The following LONP2 variants were observed in gnomAD, a reference collection of about 807,000 sequenced individuals.
The protein encoded by LONP2 is lon protease homolog 2, peroxisomal.
LONP2 carries 60 observed loss-of-function variants against 85.6 expected under a neutral mutation model. The observed-to-expected ratio is 0.70, with a 90% CI of 0.57 to 0.87. LONP2 has a LOEUF of 0.87. LONP2 is among the 40% of genes least tolerant of loss of function. The probability of loss-of-function intolerance (pLI) is 0.00; values close to 1 mark genes in which losing one functional copy is unlikely to be tolerated. For missense variants in LONP2, 860 were observed against 1,063.5 expected (o/e 0.81, Z 2.66); for synonymous variants, 395 against 389.7 (o/e 1.01, Z -0.16).
At chr16:48,273,516 C>G (rs1435754270) in intron 7 of LONP2, among the ~76,000 whole-genome samples, 1 of 152,138 alleles carries the variant, frequency 6.6e-6, no homozygotes, top group Non-Finnish European at 1.5e-5. Context: ...TACGTATTAA[C>G]TCATTCAGTT....
chr16:48,337,208 A>G (rs1006221817), intron 12 of LONP2, among the ~76,000 whole-genome samples: 1 of 152,208 alleles, frequency 6.6e-6, no homozygotes, highest in Non-Finnish European at 1.5e-5. Flanking sequence ...CTACCTTTCT[A>G]CAGTACCCTG....
chr16:48,277,369 A>G lies in LONP2; in HGVS notation c.1273A>G (p.Ile425Val), dbSNP rs1297435278. ...RTYVGSMPGR[I>V]INGLKTVGVN... ...CTATGTTGGCAGCATGCCTGGTCGC[A>G]TCATCAACGGCTTGAAGACTGTGGG... Residue 425 changes from isoleucine to valine, a missense_variant, in exon 8 of 15, where the codon ATC (isoleucine) becomes GTC (valine). Coordinates refer to ENST00000285737, the MANE Select transcript of LONP2 (RefSeq NM_031490.5). 3.1e-6 allele frequency: 5 copies of G among 1,613,584 alleles called. No homozygotes were observed. In the South Asian group the frequency reaches 5.5e-5, roughly 18 times the overall value.
At chr16:48,322,117 A>G (rs993288225) in intron 11 of LONP2, among the ~76,000 whole-genome samples, 5 of 151,904 alleles carry the variant, frequency 3.3e-5, no homozygotes, top group African/African-American at 9.7e-5. Flanking sequence ...TTATAATAAC[A>G]CTCAGCTTAA....
rs373229461 is a variant in LONP2, at chr16:48,333,785, TATAAC to T, written c.1796-429_1796-425del. Among the ~76,000 whole-genome samples, 210 of 152,098 alleles carry T rather than the reference TATAAC, an allele frequency of 1.4e-3. 1 individual carries two copies. The highest frequency in any genetic ancestry group is 4.9e-3 in the African/African-American group (203 of 41,552). On this transcript the variant is annotated intron_variant, in intron 11 of 14. Coordinates refer to ENST00000285737, the MANE Select transcript of LONP2 (RefSeq NM_031490.5). The stretch of plus-strand genomic sequence containing the variant: ...TGTCACAAGCCCTGAGTTATGCTGA[TATAAC>T]AGAGAATTGTTAGATCAGAGAATCC...
At chr16:48,332,086 G>A (rs1313411684) in intron 11 of LONP2, among the ~76,000 whole-genome samples, 1 of 152,158 alleles carries the variant, frequency 6.6e-6, no homozygotes, top group Non-Finnish European at 1.5e-5. Context: ...GAAGTTCACA[G>A]TGGTATCATT....
intron 2 of LONP2, 63 bp from the exon 3 acceptor site, chr16:48,256,547 G>T (rs990108674): frequency 1.2e-5 from 19 of 1,559,960 alleles, no homozygotes; most frequent in African/African-American, 9.6e-5. Flanking sequence ...ATGGAAATCT[G>T]ATTTTTAAAA....
At chr16:48,256,023 A>G (rs1011703641) in intron 2 of LONP2, among the ~76,000 whole-genome samples, 15 of 152,334 alleles carry the variant, frequency 9.8e-5, no homozygotes, top group African/African-American at 3.1e-4. Context: ...TAAATTTCTA[A>G]TAATACACAT....
At chr16:48,272,245 A>G (rs1053886376) in intron 7 of LONP2, among the ~76,000 whole-genome samples, 2 of 152,222 alleles carry the variant, frequency 1.3e-5, no homozygotes, top group African/African-American at 4.8e-5. Flanking sequence ...ATGAGTTTTT[A>G]TAAATTTCAA....
chr16:48,245,105 T>C (rs1174194773), intron 1 of LONP2, among the ~76,000 whole-genome samples: 8 of 152,204 alleles, frequency 5.3e-5, no homozygotes, highest in Non-Finnish European at 1.0e-4. Flanking sequence ...GTTTTAACTT[T>C]TCCTGTTTCA....
At chr16:48,252,110 G>A (rs896212336) in intron 1 of LONP2, 21 bp from the exon 2 acceptor site, 5 of 1,526,838 alleles carry the variant, frequency 3.3e-6, no homozygotes, top group African/African-American at 1.4e-5. Flanking sequence ...TTGTAATACC[G>A]ATGTTTTGTG....
chr16:48,329,161 C>T (rs1277784251), intron 11 of LONP2, among the ~76,000 whole-genome samples: 1 of 152,128 alleles, frequency 6.6e-6, no homozygotes, highest in Admixed American at 6.5e-5. Context: ...CTGTAGCTTC[C>T]CCCTCACCTG....
At chr16:48,334,751 CCCTA>C in intron 12 of LONP2, 1 of 546,550 alleles carries the variant, frequency 1.8e-6, no homozygotes, top group Non-Finnish European at 3.6e-6. Context: ...AGGTAAGATG[CCCTA>C]CCTGTCTTGA....
chr16:48,343,062 G>A (rs1047676811), intron 12 of LONP2, among the ~76,000 whole-genome samples: 3 of 152,196 alleles, frequency 2.0e-5, no homozygotes, highest in African/African-American at 7.2e-5. Context: ...CAAACAGGGA[G>A]GGACGCTTGC....
At chr16:48,317,152 A>G (rs1024224188) in intron 11 of LONP2, among the ~76,000 whole-genome samples, 4 of 152,118 alleles carry the variant, frequency 2.6e-5, no homozygotes, top group Non-Finnish European at 4.4e-5. Flanking sequence ...TCACATGAAA[A>G]TCCAATCAGG....
intron 7 of LONP2, among the ~76,000 whole-genome samples, chr16:48,276,688 C>T (rs1972215915): frequency 6.6e-6 from 1 of 152,088 alleles, no homozygotes; most frequent in Non-Finnish European, 1.5e-5. Context: ...TGGTTATTGC[C>T]AATTAGTGCA....
At chr16:48,334,603 G>A (rs1959582055) in intron 12 of LONP2, 2 of 649,440 alleles carry the variant, frequency 3.1e-6, no homozygotes, top group East Asian at 2.8e-5. Context: ...TCTGGGCAAG[G>A]TGGCAGAGGG....
chr16:48,277,497 C>T lies in LONP2; in HGVS notation c.1383+18C>T, dbSNP rs1315750082. The T allele has an allele frequency of 6.2e-7, 1 of 1,610,590 alleles. No individual in the cohort carries two copies. On this transcript the variant is annotated intron_variant, in intron 8 of 14. Coordinates refer to ENST00000285737, the MANE Select transcript of LONP2 (RefSeq NM_031490.5). Reference sequence around the variant, plus strand: ...TGCTTGAGGTAAGATTTGGAAAATTCCCTGTCTGTCTTCATACTGGAAGAG... The same window carrying T: ...TGCTTGAGGTAAGATTTGGAAAATTTCCTGTCTGTCTTCATACTGGAAGAG...
At position 48,354,051 on chromosome 16, in the gene LONP2, T is replaced by C. The variant is rs1960242895; in HGVS notation, c.*2249T>C. 7.4e-6 allele frequency: 1 copy of C among 135,922 alleles called. No individual in the cohort carries two copies. Among genetic ancestry groups the C allele is most frequent in the Admixed American group, 7.4e-5 (1 of 13,484 alleles). The allele number at this position is 135,922 out of a possible 1,614,324, so 8.4% of individuals were successfully genotyped here. On this transcript the variant is annotated 3_prime_UTR_variant, in exon 15 of 15. Coordinates refer to ENST00000285737, the MANE Select transcript of LONP2 (RefSeq NM_031490.5). The stretch of plus-strand genomic sequence containing the variant: ...GGTTGGTTGGTTGAAGTCTAAGCTC[T>C]TCCTTTTTCACCTGGGTTTTTTTTT...
chr16:48,288,392 A>G (rs1972493248), intron 8 of LONP2, among the ~76,000 whole-genome samples: 1 of 152,006 alleles, frequency 6.6e-6, no homozygotes, highest in African/African-American at 2.4e-5. Flanking sequence ...TGACCTCGTG[A>G]TCCATCCGCC....
Sources: gnomAD v4.1 joint callset for allele counts (sites outside exome capture counted in the v4.1 genomes callset) on GRCh38, gnomAD v4.1.1 for gene constraint, MANE v1.5 for transcripts, NCBI Gene and HGNC (gene_info 2026-07-23, HGNC 2026-07-21) for gene names.